The following CDC45 variants were observed in gnomAD, a reference collection of about 807,000 sequenced individuals.
CDC45 encodes the protein cell division control protein 45 homolog.
A neutral mutation model predicts 77.8 loss-of-function variants in CDC45; 54 were observed. The observed-to-expected ratio is 0.69, with a 90% CI of 0.56 to 0.87. CDC45 has a LOEUF of 0.87. Ranked by LOEUF, CDC45 falls within the 40% of genes least tolerant of loss-of-function variation. The pLI, the probability that CDC45 is intolerant of heterozygous loss-of-function variation, is 0.00. For synonymous variants in CDC45, 260 were observed against 272.1 expected (o/e 0.96, Z 0.44); for missense variants, 649 against 721.6 (o/e 0.90, Z 1.15).
At chr22:19,515,213 C>T (rs545307191) in intron 15 of CDC45, among the ~76,000 whole-genome samples, 165 bp downstream of exon 15, 3 of 152,172 alleles carry the variant, frequency 2.0e-5, no homozygotes, top group African/African-American at 7.2e-5. Context: ...CAGCTGACCC[C>T]TAGGAACCTT....
At chr22:19,505,103 C>T (rs1933088755) in intron 9 of CDC45, 3 of 499,852 alleles carry the variant, frequency 6.0e-6, no homozygotes, top group African/African-American at 1.9e-5. Context: ...CTCTGCGGTG[C>T]CCATTCTCAG....
chr22:19,479,920 G>C lies in CDC45; in HGVS notation c.-49G>C. The C allele has an allele frequency of 6.2e-7, 1 of 1,606,820 alleles. No homozygotes were observed. Among genetic ancestry groups the C allele is most frequent in the Non-Finnish European group, 8.5e-7 (1 of 1,175,818 alleles). On this transcript the variant is annotated 5_prime_UTR_variant, in exon 1 of 19. Transcript: ENST00000263201. The stretch of plus-strand genomic sequence containing the variant: ...TTTGGCGGGAGTCTTGACCGCCGCC[G>C]GGCTCTTGGTACCTCAGCGCGAGCG...
Position 19,505,402 on chromosome 22 carries a change from G to C in CDC45, c.745G>C (p.Val249Leu). ...TGATGTTGGTGTCCTGCAGCGCCAC[G>C]TTTCCCGCCACAACCACCGGAACGA... ...VTDVGVLQRH[V>L]SRHNHRNEDE... The change falls in exon 10 of 19, where the codon GTT (valine) becomes CTT (leucine). Residue 249 changes from valine (V) to leucine (L), a missense_variant. Coordinates refer to ENST00000263201, the MANE Select transcript of CDC45 (RefSeq NM_003504.5). The C allele has an allele frequency of 6.2e-7, 1 of 1,613,298 alleles. No individual in the cohort carries two copies. The highest frequency in any genetic ancestry group is 8.5e-7 in the Non-Finnish European group (1 of 1,179,874).
At chr22:19,503,868 G>A (rs920456161) in intron 9 of CDC45, among the ~76,000 whole-genome samples, 3 of 152,230 alleles carry the variant, frequency 2.0e-5, no homozygotes, top group Non-Finnish European at 4.4e-5. Context: ...GGTGCTGGTT[G>A]CACGGAGAAA....
intron 9 of CDC45, among the ~76,000 whole-genome samples, chr22:19,502,332 T>C (rs776436952): frequency 5.9e-5 from 9 of 152,238 alleles, no homozygotes; most frequent in Non-Finnish European, 8.8e-5. Flanking sequence ...ATTTTACCAA[T>C]AATTTTAAAG....
chr22:19,503,384 C>T (rs1932975428), intron 9 of CDC45, among the ~76,000 whole-genome samples: 1 of 152,148 alleles, frequency 6.6e-6, no homozygotes, highest in Non-Finnish European at 1.5e-5. Context: ...AGACACTGAT[C>T]ATTCCACTCT....
Position 19,505,349 on chromosome 22 carries a change from CT to C in CDC45, c.705-5del. 6.2e-7 allele frequency: 1 copy of C among 1,613,644 alleles called. No individual in the cohort carries two copies. On this transcript the variant is annotated splice_polypyrimidine_tract_variant and intron_variant, in intron 9 of 18. Coordinates refer to ENST00000263201, the MANE Select transcript of CDC45 (RefSeq NM_003504.5). Reference sequence around the variant, plus strand: ...AGGGAACCAGCCGAGGCTTGTGCTACTTTTTTTTCCAGAATGAAATACGTGA... The same window carrying C: ...AGGGAACCAGCCGAGGCTTGTGCTACTTTTTTTCCAGAATGAAATACGTGA...
intron 4 of CDC45, among the ~76,000 whole-genome samples, chr22:19,483,564 G>A (rs949232183): frequency 6.6e-6 from 1 of 152,196 alleles, no homozygotes; most frequent in Non-Finnish European, 1.5e-5. Context: ...TTTTATTGGT[G>A]TATGACGTAA....
intron 7 of CDC45, among the ~76,000 whole-genome samples, chr22:19,496,568 TGTC>T (rs954419724): frequency 1.3e-5 from 2 of 152,230 alleles, no homozygotes; most frequent in Non-Finnish European, 2.9e-5. Context: ...TCCCTTTTAT[TGTC>T]AAGGTTCCAT....
chr22:19,499,187 C>T (rs752578323), intron 9 of CDC45, 36 bp downstream of exon 9: 56 of 1,610,454 alleles, frequency 3.5e-5, no homozygotes, highest in Non-Finnish European at 4.0e-5. Flanking sequence ...AGGGTCAGCC[C>T]TGTGCTGTGG....
At chr22:19,483,658 G>A (rs140144453) in intron 4 of CDC45, among the ~76,000 whole-genome samples, 8 of 152,160 alleles carry the variant, frequency 5.3e-5, no homozygotes, top group Non-Finnish European at 8.8e-5. Context: ...TGCATACCAC[G>A]TATGGTGTAA....
intron 9 of CDC45, among the ~76,000 whole-genome samples, chr22:19,500,632 A>G (rs909378940): frequency 1.2e-4 from 19 of 152,132 alleles, no homozygotes; most frequent in Non-Finnish European, 2.9e-5. Context: ...CTAAACCAAG[A>G]GTGCAGTTTG....
In CDC45 at chr22:19,516,512, T is replaced by C. The variant is rs1933798981; in HGVS notation, c.1441-15T>C. 6.2e-7 allele frequency: 1 copy of C among 1,606,328 alleles called. No homozygotes were observed. On this transcript the variant is annotated splice_polypyrimidine_tract_variant and intron_variant, in intron 15 of 18. Coordinates refer to ENST00000263201, the MANE Select transcript of CDC45 (RefSeq NM_003504.5). ...CCCACCATACCCTGACGGAGGGTGCTCTCCGACTCCATAGACAAAGAACCG... is the reference window on the plus strand; with the variant it reads ...CCCACCATACCCTGACGGAGGGTGCCCTCCGACTCCATAGACAAAGAACCG...
chr22:19,479,896 T>G, upstream of CDC45: 1 of 1,474,900 alleles, frequency 6.8e-7, no homozygotes, highest in Non-Finnish European at 9.5e-7. Context: ...GAGCCGTGAT[T>G]TGGCGGGAGT....
intron 15 of CDC45, among the ~76,000 whole-genome samples, chr22:19,515,280 G>A (rs1167868852): frequency 6.6e-6 from 1 of 152,174 alleles, no homozygotes; most frequent in Non-Finnish European, 1.5e-5. Flanking sequence ...AGACAAGTAG[G>A]GAGGGGCCCT....
chr22:19,495,585 A>T (rs2090226975), intron 6 of CDC45, among the ~76,000 whole-genome samples: 1 of 152,238 alleles, frequency 6.6e-6, no homozygotes, highest in Non-Finnish European at 1.5e-5. Context: ...TGGGAAGCCA[A>T]GGTGGAAGGA....
chr22:19,504,165 G>C (rs1266271911), intron 9 of CDC45, among the ~76,000 whole-genome samples: 1 of 152,248 alleles, frequency 6.6e-6, no homozygotes, highest in Non-Finnish European at 1.5e-5. Flanking sequence ...TGCAGTAACA[G>C]ACTTGTTACA....
At chr22:19,515,321 C>G (rs1460408839) in intron 15 of CDC45, among the ~76,000 whole-genome samples, 1 of 152,182 alleles carries the variant, frequency 6.6e-6, no homozygotes, top group East Asian at 1.9e-4. Flanking sequence ...GGCTTGTGTC[C>G]TATTGTTGCA....
At chr22:19,491,315 A>C (rs1245379402) in intron 5 of CDC45, among the ~76,000 whole-genome samples, 1 of 151,896 alleles carries the variant, frequency 6.6e-6, no homozygotes. Flanking sequence ...CTTCCTTTCC[A>C]GTATTCTAAG....
Sources: gnomAD v4.1 joint callset for allele counts (sites outside exome capture counted in the v4.1 genomes callset) on GRCh38, gnomAD v4.1.1 for gene constraint, MANE v1.5 for transcripts, NCBI Gene and HGNC (gene_info 2026-07-23, HGNC 2026-07-21) for gene names.